HDAC4: variants seen among roughly 807,000 people sequenced by gnomAD.
HDAC4 encodes histone deacetylase A.
In HDAC4, 16 loss-of-function variants were observed where a neutral mutation model predicts 135.1. That is an observed-to-expected ratio of 0.12 (90% CI 0.08 to 0.18). HDAC4 has a LOEUF of 0.18. HDAC4 is among the 10% of genes least tolerant of loss of function. HDAC4 has a pLI of 1.00. For synonymous variants in HDAC4, 685 were observed against 653.4 expected (o/e 1.05, Z -0.74); for missense variants, 1,143 against 1,511.8 (o/e 0.76, Z 4.05).
At chr2:239,399,316 T>C (rs1251689400) in intron 1 of HDAC4, among the ~76,000 whole-genome samples, 1 of 152,252 alleles carries the variant, frequency 6.6e-6, no homozygotes, top group Non-Finnish European at 1.5e-5. Flanking sequence ...TGCAAAATTC[T>C]GCAATAACTT....
chr2:239,253,853 G>A (rs994113616), intron 2 of HDAC4, among the ~76,000 whole-genome samples: 3 of 152,168 alleles, frequency 2.0e-5, no homozygotes, highest in South Asian at 4.1e-4. Context: ...GCCAGTGGGC[G>A]GCTGCATATC....
At chr2:239,168,963 C>T (rs540036528) in intron 5 of HDAC4, among the ~76,000 whole-genome samples, 64 of 152,298 alleles carry the variant, frequency 4.2e-4, no homozygotes, top group South Asian at 1.5e-3. Flanking sequence ...TAAGGGTGGA[C>T]GGCGCTTCGG....
At chr2:239,197,847 TTGTGTGTGTGTGTG>T (rs368801140) in intron 3 of HDAC4, among the ~76,000 whole-genome samples, 5 of 140,216 alleles carry the variant, frequency 3.6e-5, no homozygotes, top group Middle Eastern at 3.7e-3. Flanking sequence ...CACTAAAAGT[TTGTGTGTGTGTGTG>T]TGTGTGTGTG....
At chr2:239,060,818 G>A (rs549253217) in intron 24 of HDAC4, among the ~76,000 whole-genome samples, 3 of 152,364 alleles carry the variant, frequency 2.0e-5, no homozygotes, top group African/African-American at 7.2e-5. Flanking sequence ...CACCTGCCCC[G>A]GCCCGGGCCC....
intron 1 of HDAC4, among the ~76,000 whole-genome samples, chr2:239,389,464 A>C (rs987065195): frequency 6.6e-5 from 10 of 152,178 alleles, no homozygotes; most frequent in African/African-American, 2.4e-4. Flanking sequence ...AACTCCGGAC[A>C]CACCATCTTT....
intron 2 of HDAC4, among the ~76,000 whole-genome samples, chr2:239,318,754 A>G (rs191314297): frequency 3.6e-4 from 55 of 152,230 alleles, no homozygotes; most frequent in Admixed American, 1.4e-3. Context: ...GATTTTCTGT[A>G]AGTTTGAAAT....
At chr2:239,236,096 T>A (rs2047871067) in intron 3 of HDAC4, among the ~76,000 whole-genome samples, 1 of 152,196 alleles carries the variant, frequency 6.6e-6, no homozygotes, top group South Asian at 2.1e-4. Context: ...ATATTTCTGA[T>A]CACCACCGAT....
rs1411057912 is a variant in HDAC4, at chr2:239,068,524, G to C, written c.2834C>G (p.Pro945Arg). Residue 945 changes from proline to arginine, a missense_variant, in exon 23 of 27, where the codon CCC becomes CGC. This residue lies in a region of HDAC4 where 189 missense variants were observed against 317.6 expected (regional missense o/e 0.60). Transcript: ENST00000543185. This position sits in a 1 kb window ranked among gnomAD's most constrained non-coding sequence, Gnocchi z 4.4. ...SSGFDAVEGH[P>R]TPLGGYNLSA... ...GAGGTTGTAGCCCCCAAGAGGGGTG[G>C]GGTGGCCCTCCACGGCATCGAAGCC... The C allele has an allele frequency of 6.2e-7, 1 of 1,613,804 alleles. No homozygotes were observed.
chr2:239,252,797 T>C (rs2048854140), intron 2 of HDAC4, among the ~76,000 whole-genome samples: 1 of 152,222 alleles, frequency 6.6e-6, no homozygotes, highest in African/African-American at 2.4e-5. Flanking sequence ...AAAAATATAA[T>C]CCCTTATCTT....
At chr2:239,366,544 T>A (rs1694227786) in intron 1 of HDAC4, among the ~76,000 whole-genome samples, 1 of 152,168 alleles carries the variant, frequency 6.6e-6, no homozygotes, top group Non-Finnish European at 1.5e-5. Context: ...TACAAACTTA[T>A]TGGTAAAATA....
chr2:239,180,652 C>A (rs1395496961), intron 4 of HDAC4, among the ~76,000 whole-genome samples: 1 of 152,222 alleles, frequency 6.6e-6, no homozygotes, highest in East Asian at 1.9e-4. Context: ...ATTGGCCAAC[C>A]AAATGGCATT....
chr2:239,086,899 C>T (rs1326167730), intron 19 of HDAC4, among the ~76,000 whole-genome samples: 6 of 152,190 alleles, frequency 3.9e-5, no homozygotes, highest in Admixed American at 2.6e-4. Flanking sequence ...GAGCGGCTAC[C>T]GTCCCAGGAG....
At chr2:239,180,610 G>A (rs962569596) in intron 4 of HDAC4, among the ~76,000 whole-genome samples, 1 of 152,192 alleles carries the variant, frequency 6.6e-6, no homozygotes, top group Non-Finnish European at 1.5e-5. Context: ...TGTAAGTAAA[G>A]CCCCCAGCCC....
At chr2:239,198,427 G>C (rs1202006164) in intron 3 of HDAC4, among the ~76,000 whole-genome samples, 1 of 152,190 alleles carries the variant, frequency 6.6e-6, no homozygotes, top group South Asian at 2.1e-4. Flanking sequence ...TGGGACTAGA[G>C]GGTGAGAGCT....
At chr2:239,201,662 C>A (rs141380093) in intron 3 of HDAC4, among the ~76,000 whole-genome samples, 120 of 152,328 alleles carry the variant, frequency 7.9e-4, no homozygotes, top group African/African-American at 2.8e-3. Flanking sequence ...GGCCCCACCT[C>A]CCTTCTCAAC....
At position 239,084,204 on chromosome 2, in the gene HDAC4, T is replaced by G. The variant is rs2035636562; in HGVS notation, c.2483A>C (p.Lys828Thr). 1.2e-6 allele frequency: 2 copies of G among 1,613,432 alleles called. No homozygotes were observed. The highest frequency in any genetic ancestry group is 1.3e-5 in the African/African-American group (1 of 74,890). Residue 828 changes from lysine (K) to threonine (T), a missense_variant, in exon 20 of 27, where the codon AAG becomes ACG. By Grantham distance (78) the Lys-to-Thr change is moderately conservative. This residue lies in a region of HDAC4 where 189 missense variants were observed against 317.6 expected (regional missense o/e 0.60). Coordinates refer to ENST00000543185, the MANE Select transcript of HDAC4 (RefSeq NM_001378414.1). ...CYFNSVAVAA[K>T]LLQQRLSVSK... Reference sequence around the variant, plus strand: ...CACGCTCAACCTCTGCTGCAGAAGCTTGGCTGCCACGGCCACGGAGTTGAA... The same window carrying G: ...CACGCTCAACCTCTGCTGCAGAAGCGTGGCTGCCACGGCCACGGAGTTGAA...
intron 15 of HDAC4, among the ~76,000 whole-genome samples, chr2:239,106,911 C>T (rs764248131): frequency 1.3e-5 from 2 of 152,164 alleles, no homozygotes; most frequent in Non-Finnish European, 2.9e-5. Flanking sequence ...TGTTCCTGTC[C>T]ACCCTGTGCG....
In HDAC4 at chr2:239,293,595, A is replaced by C. The variant is rs151014793; in HGVS notation, c.23-56931T>G. 1.4e-3 allele frequency among the ~76,000 whole-genome samples: 209 copies of C among 152,314 alleles called. 1 individual carries two copies. The highest frequency in any genetic ancestry group is 4.9e-3 in the African/African-American group (205 of 41,566). The stretch of plus-strand genomic sequence containing the variant: ...AGCTGAGAGCAGGAGCCCGAGGCCC[A>C]CCTGCTTATGGACACAGGGATCCCC... On this transcript the variant is annotated intron_variant, in intron 2 of 26. Transcript: ENST00000543185.
rs375255706 is a variant in HDAC4 at position 239,180,944 on chromosome 2, G to A, written c.340-4381C>T. ...CCTGCAGCCCACAGCCAGCCTCCCC[G>A]TCCACTGTCCCATGGCAGCGGAAGT... On this transcript the variant is annotated intron_variant, in intron 4 of 26. Transcript: ENST00000543185. Among the ~76,000 whole-genome samples, 15 of 152,346 alleles carry A rather than the reference G, an allele frequency of 9.8e-5. No individual in the cohort carries two copies. The East Asian group carries it at 1.7e-3, about 18-fold the overall frequency.
Sources: gnomAD v4.1 joint callset for allele counts (sites outside exome capture counted in the v4.1 genomes callset) on GRCh38, gnomAD v4.1.1 for gene constraint, gnomAD v4.1.1 regional missense constraint, Gnocchi (gnomAD v3.1) non-coding constraint, MANE v1.5 for transcripts, NCBI Gene and HGNC (gene_info 2026-07-23, HGNC 2026-07-21) for gene names.